GATAD1: variants seen among roughly 807,000 people sequenced by gnomAD.
The protein encoded by GATAD1 is GATA zinc finger domain-containing protein 1.
Under a neutral mutation model 26.5 loss-of-function variants are expected in GATAD1, and 12 were observed. The observed-to-expected ratio is 0.45, with a 90% CI of 0.29 to 0.73. The LOEUF (loss-of-function observed/expected upper bound fraction) is 0.73. Ranked by LOEUF, GATAD1 falls within the 30% of genes least tolerant of loss-of-function variation. The pLI, the probability that GATAD1 is intolerant of heterozygous loss-of-function variation, is 0.10. For missense variants in GATAD1, 266 were observed against 342.1 expected, an observed-to-expected ratio of 0.78 and a Z score of 1.75; for synonymous variants, 129 against 133.1, an observed-to-expected ratio of 0.97 and a Z score of 0.21.
At chr7:92,483,981 A>G in the GATAD1 span, among the ~76,000 whole-genome samples, 1 of 152,074 alleles carries the variant, frequency 6.6e-6, no homozygotes, top group East Asian at 1.9e-4. Flanking sequence ...GAGAAAGAAG[A>G]AAGATTTGGG....
downstream of GATAD1, among the ~76,000 whole-genome samples, chr7:92,460,220 A>G (rs188691102): frequency 4.0e-4 from 61 of 152,358 alleles, no homozygotes; most frequent in African/African-American, 1.4e-3. Context: ...TGTTGTGTCT[A>G]CATATAAACA....
Position 92,458,713 on chromosome 7 carries a change from A to G in GATAD1, c.*2151A>G, listed in dbSNP as rs1033270772. 6.6e-6 allele frequency: 1 copy of G among 152,232 alleles called. No individual in the cohort carries two copies. Among genetic ancestry groups the G allele is most frequent in the Non-Finnish European group, 1.5e-5 (1 of 68,030 alleles). 9.4% of individuals were successfully genotyped at this position (152,232 alleles called of 1,614,324 possible). On this transcript the variant is annotated 3_prime_UTR_variant, in exon 5 of 5. Transcript: ENST00000287957. The stretch of plus-strand genomic sequence containing the variant: ...GTGTTTGAGTTGGAAAGAAACAACT[A>G]TAGGTAGCTACACGTACATAATTAT...
the GATAD1 span, among the ~76,000 whole-genome samples, chr7:92,475,489 C>T: frequency 8.5e-4 from 130 of 152,308 alleles, no homozygotes; most frequent in Non-Finnish European, 1.6e-3. Flanking sequence ...TCCTGCCTCT[C>T]TTGACCACAA....
downstream of GATAD1, among the ~76,000 whole-genome samples, chr7:92,462,371 A>C (rs1293969986): frequency 6.6e-6 from 1 of 151,660 alleles, no homozygotes; most frequent in African/African-American, 2.4e-5. Flanking sequence ...GATTTTGTAA[A>C]AAAAAAAAAC....
chr7:92,467,919 C>G, the GATAD1 span, among the ~76,000 whole-genome samples: 2 of 152,206 alleles, frequency 1.3e-5, no homozygotes, highest in Admixed American at 6.5e-5. Flanking sequence ...CAGGGCCCTT[C>G]TGTTTTCTTG....
chr7:92,447,643 G>A lies in GATAD1; in HGVS notation c.-87G>A, dbSNP rs1188921830. On this transcript the variant is annotated 5_prime_UTR_variant, in exon 1 of 5. Coordinates refer to ENST00000287957, the MANE Select transcript of GATAD1 (RefSeq NM_021167.5). ...CTCTCACCGCTCTTCCTATCGCCGG[G>A]AGTGGCGGGCCGACCAGGGGGCGGC... 2 of 1,315,756 alleles carry A rather than the reference G, an allele frequency of 1.5e-6. No individual in the cohort carries two copies. Among genetic ancestry groups the A allele is most frequent in the East Asian group, 6.5e-5 (2 of 30,722 alleles). 81.5% of individuals were successfully genotyped at this position (1,315,756 alleles called of 1,614,324 possible).
chr7:92,482,849 G>C, the GATAD1 span, among the ~76,000 whole-genome samples: 1 of 152,160 alleles, frequency 6.6e-6, no homozygotes, highest in South Asian at 2.1e-4. Context: ...GGAGTTTTAA[G>C]GGGTTTTGAA....
the GATAD1 span, among the ~76,000 whole-genome samples, chr7:92,480,501 A>G: frequency 6.6e-6 from 1 of 152,220 alleles, no homozygotes; most frequent in Admixed American, 6.5e-5. Context: ...CCACGATGGA[A>G]GGAAATGAGA....
intron 2 of GATAD1, chr7:92,449,228 C>T: frequency 1.2e-6 from 1 of 850,026 alleles, no homozygotes; most frequent in Non-Finnish European, 1.4e-6. Flanking sequence ...ACTAAGAAAA[C>T]TTTTTTTTTT....
the GATAD1 span, chr7:92,492,940 T>G: frequency 6.2e-7 from 1 of 1,602,460 alleles, no homozygotes; most frequent in South Asian, 1.1e-5. Flanking sequence ...AACAACTTCC[T>G]CATATAACTT....
At chr7:92,482,090 G>C in the GATAD1 span, among the ~76,000 whole-genome samples, 1 of 152,190 alleles carries the variant, frequency 6.6e-6, no homozygotes, top group African/African-American at 2.4e-5. Flanking sequence ...GAAGCAGAGA[G>C]GTGGAAAGAA....
chr7:92,475,267 G>A, the GATAD1 span: 10 of 152,144 alleles, frequency 6.6e-5, no homozygotes, highest in African/African-American at 1.9e-4. Context: ...TCCAGAATAC[G>A]TCTTAGGGGC....
chr7:92,469,475 G>A, the GATAD1 span: 3 of 767,768 alleles, frequency 3.9e-6, no homozygotes, highest in Non-Finnish European at 7.2e-6. Flanking sequence ...TATAAATCTT[G>A]TTCAGTGTAG....
intron 3 of GATAD1, among the ~76,000 whole-genome samples, chr7:92,452,210 C>T (rs1163796491): frequency 6.6e-6 from 1 of 152,212 alleles, no homozygotes; most frequent in African/African-American, 2.4e-5. Flanking sequence ...ATGTGTGTCT[C>T]CATGGAAGGG....
chr7:92,477,195 C>A, the GATAD1 span, among the ~76,000 whole-genome samples: 1 of 152,130 alleles, frequency 6.6e-6, no homozygotes, highest in Admixed American at 6.5e-5. Flanking sequence ...TGAGGCAAAC[C>A]AAGTCCCCAA....
chr7:92,461,459 T>C (rs1789919569), downstream of GATAD1: 1 of 152,240 alleles, frequency 6.6e-6, no homozygotes, highest in Admixed American at 6.5e-5. Flanking sequence ...CTAGTGGTTC[T>C]GTTTCTCTGA....
intron 2 of GATAD1, chr7:92,449,999 T>G (rs750690444): frequency 6.6e-6 from 1 of 152,238 alleles, no homozygotes; most frequent in African/African-American, 2.4e-5. Flanking sequence ...CAAAACATGT[T>G]ATTGATATTT....
chr7:92,494,424 C>T, the GATAD1 span: 1 of 1,611,718 alleles, frequency 6.2e-7, no homozygotes, highest in Non-Finnish European at 8.5e-7. Flanking sequence ...ATTTTTTTAC[C>T]AAAATCTGAT....
At chr7:92,467,290 A>G in the GATAD1 span, among the ~76,000 whole-genome samples, 4 of 152,124 alleles carry the variant, frequency 2.6e-5, no homozygotes, top group South Asian at 4.1e-4. Flanking sequence ...TCCAGCCTGG[A>G]AACAAGAACA....
Sources: gnomAD v4.1 joint callset for allele counts (sites outside exome capture counted in the v4.1 genomes callset) on GRCh38, gnomAD v4.1.1 for gene constraint, MANE v1.5 for transcripts, NCBI Gene and HGNC (gene_info 2026-07-23, HGNC 2026-07-21) for gene names.